The following NFIB variants were observed in gnomAD, a reference collection of about 807,000 sequenced individuals.
The protein encoded by NFIB is nuclear factor I B.
In NFIB, 11 loss-of-function variants were observed where a neutral mutation model predicts 61.5. The ratio of observed to expected loss-of-function variants is 0.18; its 90% CI spans 0.11 to 0.30. The LOEUF (loss-of-function observed/expected upper bound fraction) is 0.30. Ranked by LOEUF, NFIB falls within the 10% of genes least tolerant of loss-of-function variation. The pLI, the probability that NFIB is intolerant of heterozygous loss-of-function variation, is 1.00. For synonymous variants in NFIB, 260 were observed against 216.5 expected (o/e 1.20, Z -1.76); for missense variants, 471 against 608.9 (o/e 0.77, Z 2.38).
intron 2 of NFIB, among the ~76,000 whole-genome samples, chr9:14,191,579 T>C (rs1174763377): frequency 5.3e-5 from 8 of 152,154 alleles, no homozygotes; most frequent in Admixed American, 5.2e-4. Context: ...TTATCTTTAA[T>C]AGAGATTCAA....
intron 2 of NFIB, among the ~76,000 whole-genome samples, chr9:14,281,141 T>G (rs1006173842): frequency 1.3e-5 from 2 of 152,198 alleles, no homozygotes; most frequent in African/African-American, 4.8e-5. Context: ...ACCATGCCAA[T>G]GAACATTCAA....
chr9:14,187,195 A>C (rs28440824), intron 2 of NFIB, among the ~76,000 whole-genome samples: 2 of 152,000 alleles, frequency 1.3e-5, no homozygotes, highest in African/African-American at 4.8e-5. Flanking sequence ...CTGTTCATGA[A>C]AAGTTTTAAC....
the NFIB span, among the ~76,000 whole-genome samples, chr9:14,462,091 C>T: frequency 2.0e-5 from 3 of 152,182 alleles, no homozygotes; most frequent in Non-Finnish European, 4.4e-5. Context: ...CGCATTCCAG[C>T]TCATAAGGTA....
intron 2 of NFIB, among the ~76,000 whole-genome samples, chr9:14,228,590 T>C (rs1223603443): frequency 6.6e-6 from 1 of 152,222 alleles, no homozygotes; most frequent in Non-Finnish European, 1.5e-5. Flanking sequence ...CATTTAATTG[T>C]TCATTTAATT....
the NFIB span, among the ~76,000 whole-genome samples, chr9:14,474,419 C>G: frequency 6.6e-6 from 1 of 152,208 alleles, no homozygotes; most frequent in African/African-American, 2.4e-5. Flanking sequence ...CCTCCAAACA[C>G]TATCACATTG....
At position 14,290,856 on chromosome 9, in the gene NFIB, T is replaced by C. The variant is rs143054406; in HGVS notation, c.562+16133A>G. Among the ~76,000 whole-genome samples, 300 of 152,190 alleles carry C rather than the reference T, an allele frequency of 2.0e-3. 1 individual carries two copies. The highest frequency in any genetic ancestry group is 6.8e-3 in the African/African-American group (283 of 41,574). On this transcript the variant is annotated intron_variant, in intron 2 of 10. Transcript: ENST00000380953. ...AGTATAAATAACTTGCATGCATTCATCCATTCATTCAACAAATACATATTA... is the reference window on the plus strand; with the variant it reads ...AGTATAAATAACTTGCATGCATTCACCCATTCATTCAACAAATACATATTA...
At chr9:14,394,585 G>A (rs1564056038) in intron 1 of NFIB, among the ~76,000 whole-genome samples, 1 of 152,186 alleles carries the variant, frequency 6.6e-6, no homozygotes. Context: ...ATGCCCCCAT[G>A]ATTCAATTAT....
chr9:14,131,093 CAGATT>C (rs1382106773), intron 6 of NFIB, among the ~76,000 whole-genome samples: 1 of 152,072 alleles, frequency 6.6e-6, no homozygotes, highest in African/African-American at 2.4e-5. Flanking sequence ...TTCTTAATGA[CAGATT>C]AGAGAGAATA....
At chr9:14,249,748 G>C (rs1392547914) in intron 2 of NFIB, among the ~76,000 whole-genome samples, 1 of 151,844 alleles carries the variant, frequency 6.6e-6, no homozygotes, top group East Asian at 1.9e-4. Flanking sequence ...AGGAGGGAGA[G>C]GGCAGAAGAG....
the NFIB span, among the ~76,000 whole-genome samples, chr9:14,409,868 G>A: frequency 6.6e-6 from 1 of 152,136 alleles, no homozygotes; most frequent in East Asian, 1.9e-4. Flanking sequence ...GTTAAGAAAA[G>A]AACTAATTAG....
intron 2 of NFIB, chr9:14,300,134 C>G: frequency 2.5e-6 from 1 of 398,362 alleles, no homozygotes; most frequent in East Asian, 3.6e-5. Flanking sequence ...AACCGCATCA[C>G]AAAACTGGAG....
intron 2 of NFIB, chr9:14,204,688 G>A: frequency 1.6e-6 from 1 of 623,554 alleles, no homozygotes; most frequent in Non-Finnish European, 2.9e-6. Flanking sequence ...CCTTGGTGTA[G>A]AATAAGAAAG....
At chr9:14,403,224 A>G (rs543975945), upstream of NFIB, among the ~76,000 whole-genome samples, 9 of 152,324 alleles carry the variant, frequency 5.9e-5, no homozygotes, top group Non-Finnish European at 1.2e-4. Context: ...GAAACGATGT[A>G]AAAGGGGTCT....
chr9:14,524,063 A>G, the NFIB span, among the ~76,000 whole-genome samples: 8 of 152,120 alleles, frequency 5.3e-5, no homozygotes, highest in South Asian at 1.7e-3. Context: ...TCCCCTCTCT[A>G]TTAGTAAAAT....
upstream of NFIB, among the ~76,000 whole-genome samples, chr9:14,314,862 C>T (rs937620377): frequency 5.9e-5 from 9 of 151,794 alleles, no homozygotes; most frequent in African/African-American, 1.9e-4. Context: ...TACACACCCC[C>T]GAAAACCCGC....
the NFIB span, among the ~76,000 whole-genome samples, chr9:14,522,303 CTAAT>C: frequency 7.3e-5 from 11 of 151,202 alleles, no homozygotes; most frequent in Admixed American, 6.6e-4. Flanking sequence ...TGTGTGTAAA[CTAAT>C]TGATTGAACA....
chr9:14,306,420 T>A (rs1258585864), intron 2 of NFIB, among the ~76,000 whole-genome samples: 2 of 152,234 alleles, frequency 1.3e-5, no homozygotes, highest in African/African-American at 4.8e-5. Context: ...ATATTAAAAT[T>A]AAGTAAATCT....
chr9:14,116,664 G>C (rs760447156), intron 8 of NFIB, among the ~76,000 whole-genome samples: 1 of 152,216 alleles, frequency 6.6e-6, no homozygotes, highest in Non-Finnish European at 1.5e-5. Flanking sequence ...TAAATGCTTA[G>C]CCCAAAGGCT....
At chr9:14,384,117 TG>T (rs765494207) in intron 1 of NFIB, among the ~76,000 whole-genome samples, 2 of 152,174 alleles carry the variant, frequency 1.3e-5, no homozygotes, top group South Asian at 4.1e-4. Flanking sequence ...AATCCTTGTG[TG>T]GTTGGCATTT....
Sources: allele counts gnomAD v4.1 joint callset (sites outside exome capture counted in the v4.1 genomes callset), GRCh38; gene constraint gnomAD v4.1.1; transcripts MANE v1.5; gene names NCBI Gene and HGNC (gene_info 2026-07-23, HGNC 2026-07-21).